The following PSTPIP2 variants were observed in gnomAD, a reference collection of about 807,000 sequenced individuals.
The protein encoded by PSTPIP2 is proline-serine-threonine phosphatase interacting protein 2.
Under a neutral mutation model 63.3 loss-of-function variants are expected in PSTPIP2, and 33 were observed. The observed-to-expected ratio is 0.52, with a 90% CI of 0.40 to 0.70. The LOEUF (loss-of-function observed/expected upper bound fraction) is 0.70, where lower values mean the gene tolerates loss of function less well. PSTPIP2 is among the 30% of genes least tolerant of loss of function. The pLI is 0.00. For synonymous variants in PSTPIP2, 125 were observed against 132.7 expected (o/e 0.94, Z 0.40); for missense variants, 312 against 400.7 (o/e 0.78, Z 1.89).
chr18:46,026,646 C>T (rs1025196692), intron 2 of PSTPIP2, among the ~76,000 whole-genome samples: 17 of 152,132 alleles, frequency 1.1e-4, no homozygotes, highest in Non-Finnish European at 1.2e-4. Flanking sequence ...GAGGCCAAGA[C>T]GGGAGTATTG....
At chr18:46,041,141 T>A in intron 1 of PSTPIP2, 1 of 444,360 alleles carries the variant, frequency 2.3e-6, no homozygotes. Flanking sequence ...GGAACCAGGA[T>A]TCAGGAGTGG....
rs9952471 is a variant in PSTPIP2 at position 46,056,425 on chromosome 18, T to G, written c.33+15731A>C. The stretch of plus-strand genomic sequence containing the variant: ...GTTCAATTCTGTCTTTCTTTACAAT[T>G]TTGAGGGGCCAGGCGTGGTTGCTCA... On this transcript the variant is annotated intron_variant, in intron 1 of 14. Transcript: ENST00000409746. Among the ~76,000 whole-genome samples, 325 of 152,206 alleles carry G rather than the reference T, an allele frequency of 2.1e-3. 1 individual carries two copies. The highest frequency in any genetic ancestry group is 7.2e-3 in the African/African-American group (300 of 41,544).
At chr18:46,063,779 G>A (rs368322451) in intron 1 of PSTPIP2, among the ~76,000 whole-genome samples, 29 of 152,126 alleles carry the variant, frequency 1.9e-4, no homozygotes, top group African/African-American at 6.8e-4. Flanking sequence ...TGATAAAAAC[G>A]CAAATGAAAG....
intron 6 of PSTPIP2, among the ~76,000 whole-genome samples, chr18:46,000,720 C>A (rs2051655244): frequency 6.6e-6 from 1 of 152,180 alleles, no homozygotes; most frequent in Admixed American, 6.5e-5. Flanking sequence ...AAACGTAGGC[C>A]ATGGTCTATC....
rs1480560605 is a variant in PSTPIP2, at chr18:45,985,110, T to C, written c.*349A>G. On this transcript the variant is annotated 3_prime_UTR_variant, in exon 15 of 15. Transcript: ENST00000409746. ...CCAAAGGAGCCACTACTGCAGTTGG[T>C]GGCTCAGAATCCTCTGCTGCCACCT... 3.3e-5 allele frequency: 10 copies of C among 305,134 alleles called. No homozygotes were observed. Among genetic ancestry groups the C allele is most frequent in the Non-Finnish European group, 4.8e-5 (8 of 168,130 alleles). 18.9% of individuals were successfully genotyped at this position (305,134 alleles called of 1,614,324 possible).
At chr18:46,000,794 TA>T (rs2051656076) in intron 6 of PSTPIP2, among the ~76,000 whole-genome samples, 1 of 152,254 alleles carries the variant, frequency 6.6e-6, no homozygotes, top group African/African-American at 2.4e-5. Flanking sequence ...TAGTGAATCA[TA>T]AAAATAATTT....
intron 1 of PSTPIP2, among the ~76,000 whole-genome samples, chr18:46,050,081 A>G (rs1908534353): frequency 6.6e-6 from 1 of 152,230 alleles, no homozygotes; most frequent in South Asian, 2.1e-4. Flanking sequence ...AACATTGGCA[A>G]GGAACTATAG....
At chr18:46,002,064 C>T (rs950664714) in intron 6 of PSTPIP2, among the ~76,000 whole-genome samples, 3 of 152,142 alleles carry the variant, frequency 2.0e-5, no homozygotes, top group Admixed American at 6.5e-5. Flanking sequence ...TGTGCCACTT[C>T]CTCATAGTCT....
chr18:46,000,058 G>T (rs2051646778), intron 6 of PSTPIP2, among the ~76,000 whole-genome samples: 1 of 152,182 alleles, frequency 6.6e-6, no homozygotes, highest in Non-Finnish European at 1.5e-5. Flanking sequence ...AGGGTCGCTT[G>T]TGCCCAGGAG....
chr18:46,047,639 G>A (rs1392129598), intron 1 of PSTPIP2, among the ~76,000 whole-genome samples: 2 of 152,064 alleles, frequency 1.3e-5, no homozygotes, highest in Non-Finnish European at 2.9e-5. Context: ...GTGGTGAGCC[G>A]AAGTCACGCC....
At chr18:46,033,571 G>A (rs1194079134) in intron 2 of PSTPIP2, among the ~76,000 whole-genome samples, 4 of 151,956 alleles carry the variant, frequency 2.6e-5, no homozygotes, top group Non-Finnish European at 4.4e-5. Context: ...AGTGGTGCAC[G>A]TCTGTAGTCC....
At chr18:46,011,137 C>T (rs200819069) in intron 5 of PSTPIP2, 44 bp downstream of exon 5, 2 of 1,511,070 alleles carry the variant, frequency 1.3e-6, no homozygotes, top group Non-Finnish European at 1.8e-6. Flanking sequence ...CTGCGGTTTT[C>T]TATAGGAGGA....
At position 46,011,226 on chromosome 18, in the gene PSTPIP2, C is replaced by T. The variant is rs1281335283; in HGVS notation, c.309G>A (p.Arg103=). 6.2e-7 allele frequency: 1 copy of T among 1,614,022 alleles called. No individual in the cohort carries two copies. Among genetic ancestry groups the T allele is most frequent in the South Asian group, 1.1e-5 (1 of 91,082 alleles). The change falls in exon 5 of 15, where the codon AGG becomes AGA. Residue 103 remains arginine, a synonymous_variant. Transcript: ENST00000409746. ...QLAQSLREEA[R]KMEEFREKQK... is the part of the protein sequence containing the mutation. The stretch of plus-strand genomic sequence containing the variant: ...GCTTTTCCCTGAATTCTTCCATCTT[C>T]CTGGCCTCTTCTCTTAAACTCTGTG...
At position 45,998,845 on chromosome 18, in the gene PSTPIP2, A is replaced by AAAAC. The variant is rs758658423; in HGVS notation, c.517-10_517-7dup. On this transcript the variant is annotated splice_region_variant and splice_polypyrimidine_tract_variant and intron_variant, in intron 7 of 14. Transcript: ENST00000409746. ...GTTGCCAGTTTCACAAAAAGCTGTG[A>AAAAC]AAACAAACAAACAAACAAAAAAAGA... The AAAAC allele has an allele frequency of 5.6e-6, 9 of 1,613,212 alleles. No homozygotes were observed. Among genetic ancestry groups the AAAAC allele is most frequent in the African/African-American group, 1.3e-5 (1 of 74,796 alleles).
rs765919346 is a variant in PSTPIP2, at chr18:46,040,039, G to C, written c.42C>G (p.Asp14Glu). ...SLFKGNFWSA[D>E]ILSTIGYDNI... ...TGTCATAGCCGATGGTGCTGAGGATGTCTGCACTCTGGGGGAAAGACAACA... is the reference window on the plus strand; with the variant it reads ...TGTCATAGCCGATGGTGCTGAGGATCTCTGCACTCTGGGGGAAAGACAACA... The change falls in exon 2 of 15, where the codon GAC becomes GAG. Residue 14 changes from aspartate to glutamate, a missense_variant. Transcript: ENST00000409746. The C allele has an allele frequency of 3.1e-6, 5 of 1,605,146 alleles. No individual in the cohort carries two copies. The highest frequency in any genetic ancestry group is 4.3e-6 in the Non-Finnish European group (5 of 1,175,072).
In PSTPIP2 at chr18:46,035,435, AAAG is replaced by A. The variant is rs1176519506; in HGVS notation, c.134+4509_134+4511del. ...ACTCTGTCTTAAAAAAAAAAAAAGA[AAAG>A]AGAGAGAGAGAGAAATAAAAGAAGA... On this transcript the variant is annotated intron_variant, in intron 2 of 14. Coordinates refer to ENST00000409746, the MANE Select transcript of PSTPIP2 (RefSeq NM_024430.4). 1.7e-3 allele frequency among the ~76,000 whole-genome samples: 93 copies of A among 54,912 alleles called. 2 individuals are homozygous for A. The highest frequency in any genetic ancestry group is 5.3e-3 in the African/African-American group (85 of 16,116). The allele number at this position is 54,912 out of a possible 152,430, so 36.0% of individuals were successfully genotyped here. A position where few individuals can be genotyped will look rare whatever the true frequency, so the allele number is the denominator to read the frequency against.
intron 3 of PSTPIP2, among the ~76,000 whole-genome samples, chr18:46,018,279 A>T (rs1019507905): frequency 6.6e-6 from 1 of 152,158 alleles, no homozygotes; most frequent in Non-Finnish European, 1.5e-5. Context: ...ACTCTGATGA[A>T]ATTTGGTACT....
At chr18:46,002,910 C>T (rs1474357785) in intron 6 of PSTPIP2, among the ~76,000 whole-genome samples, 1 of 152,190 alleles carries the variant, frequency 6.6e-6, no homozygotes, top group Non-Finnish European at 1.5e-5. Flanking sequence ...GATTGTCTTT[C>T]TTTTCATGGA....
At chr18:45,991,086 A>C (rs981981119) in intron 12 of PSTPIP2, among the ~76,000 whole-genome samples, 6 of 152,194 alleles carry the variant, frequency 3.9e-5, no homozygotes, top group Non-Finnish European at 8.8e-5. Context: ...TAAAATAGGA[A>C]GTATAAACAG....
Sources: allele counts gnomAD v4.1 joint callset (sites outside exome capture counted in the v4.1 genomes callset), GRCh38; gene constraint gnomAD v4.1.1; transcripts MANE v1.5; gene names NCBI Gene and HGNC (gene_info 2026-07-23, HGNC 2026-07-21).